Variants in ABCB4 observed in about 807,000 individuals in gnomAD.
ABCB4 encodes ATP binding cassette subfamily B member 4.
Under a neutral mutation model 145.7 loss-of-function variants are expected in ABCB4, and 76 were observed. The ratio of observed to expected loss-of-function variants is 0.52; its 90% CI spans 0.43 to 0.63. The LOEUF (loss-of-function observed/expected upper bound fraction) is 0.63, where lower values mean the gene tolerates loss of function less well. ABCB4 is among the 30% of genes least tolerant of loss of function. The probability of loss-of-function intolerance (pLI) is 0.00; values close to 1 mark genes in which losing one functional copy is unlikely to be tolerated. For synonymous variants in ABCB4, 517 were observed against 566.8 expected (o/e 0.91, Z 1.25); for missense variants, 1,234 against 1,553.1 (o/e 0.79, Z 3.45).
chr7:87,439,756 C>G lies in ABCB4; in HGVS notation c.1642G>C (p.Val548Leu), dbSNP rs769122329. The change falls in exon 14 of 28, where the codon GTT (valine) becomes CTT (leucine). Residue 548 changes from valine to leucine, a missense_variant. This residue lies in a region of ABCB4 where 467 missense variants were observed against 632.8 expected (regional missense o/e 0.74). Coordinates refer to ENST00000649586, the MANE Select transcript of ABCB4 (RefSeq NM_000443.4). ...AGCAGAAGGATCTTGGGGTTGCGAA[C>G]CAGGGCACGTGCAATGGCGATCCTC... Reference protein sequence around the residue: ...KQRIAIARALVRNPKILLLDE... With the variant: ...KQRIAIARALLRNPKILLLDE... 5 of 1,614,132 alleles carry G rather than the reference C, an allele frequency of 3.1e-6. No individual in the cohort carries two copies. The highest frequency in any genetic ancestry group is 4.2e-6 in the Non-Finnish European group (5 of 1,180,016).
At chr7:87,382,080 G>C in the ABCB4 span, 5 of 1,610,216 alleles carry the variant, frequency 3.1e-6, no homozygotes, top group African/African-American at 4.0e-5. Flanking sequence ...TCAGGGTTCA[G>C]AGAAGGTACG....
chr7:87,386,389 C>T, the ABCB4 span, among the ~76,000 whole-genome samples: 1 of 152,066 alleles, frequency 6.6e-6, no homozygotes, highest in Admixed American at 6.5e-5. Flanking sequence ...GTTTCAATCT[C>T]AGGTTGTATG....
At position 87,473,726 on chromosome 7, in the gene ABCB4, AGT is replaced by A. The variant is rs4015825; in HGVS notation, c.81-1053_81-1052del. ...TACTATAATATAAACTCTATGAGGG[AGT>A]GTGTGTGTGTGTGTGTGTATGATGA... On this transcript the variant is annotated intron_variant, in intron 2 of 27. Coordinates refer to ENST00000649586, the MANE Select transcript of ABCB4 (RefSeq NM_000443.4). Among the ~76,000 whole-genome samples, 1,236 of 149,950 alleles carry A rather than the reference AGT, an allele frequency of 8.2e-3. 5 individuals carry two copies. The highest frequency in any genetic ancestry group is 0.013 in the Admixed American group (199 of 15,044).
At chr7:87,423,755 C>T in intron 17 of ABCB4, 151 bp downstream of exon 17, 4 of 877,070 alleles carry the variant, frequency 4.6e-6, no homozygotes, top group Non-Finnish European at 7.4e-6. Flanking sequence ...TCTTTTCCCT[C>T]ACAGCTTTTC....
the ABCB4 span, among the ~76,000 whole-genome samples, chr7:87,378,346 CA>C: frequency 5.0e-3 from 666 of 132,866 alleles, 9 homozygotes; most frequent in Middle Eastern, 0.019. Flanking sequence ...ACTCCGACTC[CA>C]AAAAAAAAAA....
chr7:87,451,872 T>A, intron 6 of ABCB4, 78 bp from the exon 7 acceptor site: 2 of 1,406,736 alleles, frequency 1.4e-6, no homozygotes, highest in Non-Finnish European at 2.0e-6. Flanking sequence ...AACAAACACA[T>A]AGACAAGTAA....
rs755757446 is a variant in ABCB4 at position 87,472,605 on chromosome 7, A to T, written c.135+16T>A. 7 of 1,595,100 alleles carry T rather than the reference A, an allele frequency of 4.4e-6. 1 individual carries two copies. The South Asian group carries it at 7.7e-5, about 18-fold the overall frequency. ...TAAAAGGTAGGATTATTCACATTTAACATTTCACAGCTTACCAATGTTAAT... is the reference window on the plus strand; with the variant it reads ...TAAAAGGTAGGATTATTCACATTTATCATTTCACAGCTTACCAATGTTAAT... On this transcript the variant is annotated intron_variant, in intron 3 of 27. Transcript: ENST00000649586.
At position 87,440,164 on chromosome 7, in the gene ABCB4, A is replaced by G. The variant is rs45545435; in HGVS notation, c.1560+35T>C. On this transcript the variant is annotated intron_variant, in intron 13 of 27. Coordinates refer to ENST00000649586, the MANE Select transcript of ABCB4 (RefSeq NM_000443.4). The stretch of plus-strand genomic sequence containing the variant: ...ACTCAGTCCTATGAGGTGAAATTCT[A>G]ATTTCAAGGACAACTACTTTATCAG... 212 of 1,596,740 alleles carry G rather than the reference A, an allele frequency of 1.3e-4. No homozygotes were observed. The African/African-American group carries it at 2.4e-3, about 18-fold the overall frequency.
chr7:87,369,497 C>T, the ABCB4 span: 1 of 1,576,378 alleles, frequency 6.3e-7, no homozygotes, highest in East Asian at 2.2e-5. Context: ...TTTCAGACTA[C>T]TTTCTTGAGT....
intron 17 of ABCB4, among the ~76,000 whole-genome samples, chr7:87,423,396 G>C (rs45547033): frequency 5.9e-5 from 9 of 152,118 alleles, no homozygotes; most frequent in Non-Finnish European, 8.8e-5. Flanking sequence ...ACTCTTAAAT[G>C]CTTTCCAGAT....
the ABCB4 span, among the ~76,000 whole-genome samples, chr7:87,393,935 A>T: frequency 2.0e-5 from 3 of 152,198 alleles, no homozygotes; most frequent in African/African-American, 7.2e-5. Context: ...TAGTGTAGAA[A>T]TATTCAAAAA....
chr7:87,439,212 T>C (rs1810808242), intron 14 of ABCB4, among the ~76,000 whole-genome samples: 1 of 152,152 alleles, frequency 6.6e-6, no homozygotes, highest in East Asian at 1.9e-4. Context: ...CTTAGACAAG[T>C]ACAGAGTTGA....
intron 18 of ABCB4, among the ~76,000 whole-genome samples, chr7:87,421,220 G>T (rs927688182): frequency 6.6e-6 from 1 of 152,150 alleles, no homozygotes; most frequent in African/African-American, 2.4e-5. Context: ...GAGGGCACAC[G>T]GGGGAGTGCA....
At chr7:87,471,384 TAAAG>T (rs1009418060) in intron 3 of ABCB4, among the ~76,000 whole-genome samples, 2 of 151,278 alleles carry the variant, frequency 1.3e-5, no homozygotes, top group African/African-American at 2.4e-5. Context: ...TTTAAAAAAA[TAAAG>T]AAAAAAAAAC....
chr7:87,387,993 G>A, the ABCB4 span, among the ~76,000 whole-genome samples: 4 of 152,146 alleles, frequency 2.6e-5, no homozygotes, highest in African/African-American at 9.7e-5. Flanking sequence ...CTGCTTCTGT[G>A]TCCACAGTCA....
At chr7:87,379,244 C>T in the ABCB4 span, among the ~76,000 whole-genome samples, 1 of 152,212 alleles carries the variant, frequency 6.6e-6, no homozygotes, top group Non-Finnish European at 1.5e-5. Context: ...TTCCTCTCTA[C>T]TGATTCTGAA....
chr7:87,469,546 G>A (rs974838959), intron 3 of ABCB4, among the ~76,000 whole-genome samples: 26 of 152,164 alleles, frequency 1.7e-4, no homozygotes, highest in Admixed American at 2.6e-4. Context: ...AAATCAATGT[G>A]CAAAAATCAC....
At chr7:87,471,181 C>G (rs1373103958) in intron 3 of ABCB4, among the ~76,000 whole-genome samples, 2 of 146,396 alleles carry the variant, frequency 1.4e-5, no homozygotes, top group South Asian at 4.3e-4. Flanking sequence ...CACTTGGACA[C>G]AGGAAGGGGA....
intron 14 of ABCB4, among the ~76,000 whole-genome samples, chr7:87,438,488 C>G (rs1482190893): frequency 6.6e-6 from 1 of 152,174 alleles, no homozygotes; most frequent in Non-Finnish European, 1.5e-5. Context: ...TGGCTCACAT[C>G]TATAAATCCT....
Sources: allele counts gnomAD v4.1 joint callset (sites outside exome capture counted in the v4.1 genomes callset), GRCh38; gene constraint gnomAD v4.1.1; regional missense constraint gnomAD v4.1.1; transcripts MANE v1.5; gene names NCBI Gene and HGNC (gene_info 2026-07-23, HGNC 2026-07-21).